Variants in DPP6 observed in about 807,000 individuals in gnomAD.
DPP6 encodes the protein dipeptidyl peptidase like 6, also known as A-type potassium channel modulatory protein DPP6.
A neutral mutation model predicts 122.6 loss-of-function variants in DPP6; 69 were observed. The ratio of observed to expected loss-of-function variants is 0.56; its 90% CI spans 0.46 to 0.69. DPP6 has a LOEUF of 0.69. Ranked by LOEUF, DPP6 falls within the 30% of genes least tolerant of loss-of-function variation. The probability of loss-of-function intolerance (pLI) is 0.00; values close to 1 mark genes in which losing one functional copy is unlikely to be tolerated. For synonymous variants in DPP6, 418 were observed against 433.1 expected (o/e 0.97, Z 0.43); for missense variants, 928 against 1,116.9 (o/e 0.83, Z 2.41).
intron 1 of DPP6, among the ~76,000 whole-genome samples, chr7:154,124,191 T>G (rs1585425590): frequency 6.6e-6 from 1 of 152,242 alleles, no homozygotes; most frequent in Non-Finnish European, 1.5e-5. Context: ...TTTCAAGTCT[T>G]TGCTATCATC....
intron 3 of DPP6, among the ~76,000 whole-genome samples, chr7:154,535,848 A>G (rs1315124216): frequency 6.6e-6 from 1 of 152,186 alleles, no homozygotes; most frequent in East Asian, 1.9e-4. Context: ...TAGAGTGGCT[A>G]ATGTTTAATA....
At chr7:154,000,444 T>C (rs1320829560) in intron 1 of DPP6, among the ~76,000 whole-genome samples, 1 of 152,130 alleles carries the variant, frequency 6.6e-6, no homozygotes, top group Non-Finnish European at 1.5e-5. Flanking sequence ...ATATGGTTGC[T>C]GATGCAGAGA....
intron 1 of DPP6, among the ~76,000 whole-genome samples, chr7:154,337,530 C>T (rs1809534293): frequency 6.6e-6 from 1 of 152,158 alleles, no homozygotes; most frequent in South Asian, 2.1e-4. Context: ...GACTCAGTGG[C>T]AAATTATGAC....
At chr7:154,711,807 T>A (rs1841197130) in intron 7 of DPP6, among the ~76,000 whole-genome samples, 1 of 152,242 alleles carries the variant, frequency 6.6e-6, no homozygotes, top group South Asian at 2.1e-4. Context: ...TAGTTCCTGA[T>A]GTAATTAGCC....
chr7:154,795,989 C>A, intron 12 of DPP6, 106 bp downstream of exon 12: 1 of 1,469,624 alleles, frequency 6.8e-7, no homozygotes. Context: ...GAGTAAATCA[C>A]ACAGGGCTCC....
intron 7 of DPP6, among the ~76,000 whole-genome samples, chr7:154,715,253 G>A (rs551998486): frequency 6.6e-6 from 1 of 152,190 alleles, no homozygotes; most frequent in Admixed American, 6.5e-5. Flanking sequence ...TTTTTAAGTA[G>A]AGATGGGTTT....
intron 1 of DPP6, among the ~76,000 whole-genome samples, chr7:154,425,704 A>G (rs552778834): frequency 6.6e-6 from 1 of 151,356 alleles, no homozygotes; most frequent in South Asian, 2.1e-4. Context: ...GTGCAGTGGC[A>G]TGATCATAGC....
At position 154,582,239 on chromosome 7, in the gene DPP6, G is replaced by A. The variant is rs1487025497; in HGVS notation, c.627+15323G>A. 2.6e-5 allele frequency among the ~76,000 whole-genome samples: 4 copies of A among 152,230 alleles called. No homozygotes were observed. The South Asian group carries it at 8.3e-4, about 32-fold the overall frequency. On this transcript the variant is annotated intron_variant, in intron 5 of 25. Transcript: ENST00000377770. ...CCCTGGAAACAGAAAGTCAGCTGAA[G>A]GGGTGTTTCTGGAGATGAGGAATTG...
intron 1 of DPP6, among the ~76,000 whole-genome samples, chr7:154,191,159 A>G (rs1798598364): frequency 6.6e-6 from 1 of 152,130 alleles, no homozygotes; most frequent in Non-Finnish European, 1.5e-5. Context: ...TGCTGATGCC[A>G]TTTTCTGCAA....
At chr7:154,665,895 A>G (rs1355311065) in intron 6 of DPP6, among the ~76,000 whole-genome samples, 1 of 151,770 alleles carries the variant, frequency 6.6e-6, no homozygotes, top group Non-Finnish European at 1.5e-5. Context: ...ATTATCTCCA[A>G]TATATTTACA....
chr7:154,716,484 G>A lies in DPP6; in HGVS notation c.763-11283G>A, dbSNP rs779188900. ...CCTTCAACTCTCTCCCATGCACACC[G>A]AATGAATTCTCCAGGCCCCTCCTCT... On this transcript the variant is annotated intron_variant, in intron 7 of 25. Transcript: ENST00000377770. Among the ~76,000 whole-genome samples, 21 of 152,234 alleles carry A rather than the reference G, an allele frequency of 1.4e-4. 1 individual carries two copies. Among genetic ancestry groups the A allele is most frequent in the African/African-American group, 2.9e-4 (12 of 41,538 alleles).
At chr7:154,354,293 A>G (rs1187953664) in intron 1 of DPP6, among the ~76,000 whole-genome samples, 1 of 152,186 alleles carries the variant, frequency 6.6e-6, no homozygotes, top group Non-Finnish European at 1.5e-5. Context: ...TTTCTTGAAT[A>G]TTGTCATGTG....
chr7:153,789,677 T>A, the DPP6 span, among the ~76,000 whole-genome samples: 8 of 152,268 alleles, frequency 5.3e-5, no homozygotes, highest in African/African-American at 1.9e-4. Flanking sequence ...AACAGAGATA[T>A]CACACCTTAG....
chr7:154,072,239 A>G (rs1419828323), intron 1 of DPP6, among the ~76,000 whole-genome samples: 1 of 152,266 alleles, frequency 6.6e-6, no homozygotes, highest in Non-Finnish European at 1.5e-5. Flanking sequence ...CCTAAACTCC[A>G]TATATTATTT....
chr7:153,916,486 A>G (rs996759980), intron 1 of DPP6, among the ~76,000 whole-genome samples: 6 of 147,148 alleles, frequency 4.1e-5, no homozygotes, highest in Non-Finnish European at 8.9e-5. Context: ...ATCTCGGCTC[A>G]CTGCAACCTC....
intron 1 of DPP6, among the ~76,000 whole-genome samples, chr7:154,211,036 A>G (rs1799713640): frequency 6.6e-6 from 1 of 152,070 alleles, no homozygotes; most frequent in Non-Finnish European, 1.5e-5. Flanking sequence ...TGTTGCCCAA[A>G]CTGGATCCAT....
At chr7:153,757,151 T>C in the DPP6 span, among the ~76,000 whole-genome samples, 1 of 152,224 alleles carries the variant, frequency 6.6e-6, no homozygotes, top group Non-Finnish European at 1.5e-5. Flanking sequence ...TAATTTCTTG[T>C]GCATGCCCTC....
At chr7:153,887,520 G>A in exon 1 of DPP6, 1 of 688,706 alleles carries the variant, frequency 1.5e-6, no homozygotes, top group South Asian at 1.8e-5. Flanking sequence ...CACGGGCAGG[G>A]GTGCGCGGAG....
chr7:154,421,018 T>TA (rs888637005), intron 1 of DPP6, among the ~76,000 whole-genome samples: 18 of 151,678 alleles, frequency 1.2e-4, no homozygotes, highest in African/African-American at 3.6e-4. Context: ...AGGCAAAGTT[T>TA]AAAAAAAAAT....
Sources: allele counts gnomAD v4.1 joint callset (sites outside exome capture counted in the v4.1 genomes callset), GRCh38; gene constraint gnomAD v4.1.1; transcripts MANE v1.5; gene names NCBI Gene and HGNC (gene_info 2026-07-23, HGNC 2026-07-21).